C1orf159: variants seen among roughly 807,000 people sequenced by gnomAD.
The protein encoded by C1orf159 is uncharacterized protein C1orf159.
C1orf159 carries 19 observed loss-of-function variants against 25.6 expected under a neutral mutation model. The observed-to-expected ratio is 0.74, with a 90% CI of 0.52 to 1.09. The LOEUF is 1.09. Ranked by LOEUF, C1orf159 falls within the 50% of genes least tolerant of loss-of-function variation. C1orf159 has a pLI of 0.00. For synonymous variants in C1orf159, 139 were observed against 124.7 expected (o/e 1.12, Z -0.77); for missense variants, 274 against 290.6 (o/e 0.94, Z 0.42).
rs201463776 is a variant in C1orf159, at chr1:1,084,416, C to T, written c.472-33G>A. 54 of 1,581,314 alleles carry T rather than the reference C, an allele frequency of 3.4e-5. No homozygotes were observed. In the East Asian group the frequency reaches 3.7e-4, roughly 11 times the overall value. ...AGGAGAGAAAGGCAGAGTGAGGACT[C>T]GGGATGGCCTGGCACAGGCACACGC... On this transcript the variant is annotated intron_variant, in intron 8 of 9. Coordinates refer to ENST00000421241, the MANE Select transcript of C1orf159 (RefSeq NM_017891.5).
chr1:1,101,488 A>AT (rs1049668648), intron 1 of C1orf159, among the ~76,000 whole-genome samples: 2 of 134,312 alleles, frequency 1.5e-5, no homozygotes, highest in African/African-American at 6.8e-5. Context: ...ATAAAAAAAA[A>AT]TTTTTTTTTA....
At position 1,091,549 on chromosome 1, in the gene C1orf159, G is replaced by A. The variant is rs1346006250; in HGVS notation, c.-6C>T. ...GCGAGGTGCCGCAGCGCCATGCCAG[G>A]AGCAGATGCGCAGAGCCTGCCACAG... is the stretch of plus-strand genomic sequence containing the variant. On this transcript the variant is annotated 5_prime_UTR_variant, in exon 3 of 10. Coordinates refer to ENST00000421241, the MANE Select transcript of C1orf159 (RefSeq NM_017891.5). The A allele has an allele frequency of 1.9e-6, 3 of 1,549,022 alleles. No individual in the cohort carries two copies. The highest frequency in any genetic ancestry group is 2.4e-5 in the East Asian group (1 of 40,900).
intron 1 of C1orf159, among the ~76,000 whole-genome samples, chr1:1,097,173 C>A (rs1646019138): frequency 6.6e-6 from 1 of 152,200 alleles, no homozygotes; most frequent in African/African-American, 2.4e-5. Context: ...GTGGCATGAT[C>A]TCGGCTCACT....
rs533684123 is a variant in C1orf159 at position 1,103,459 on chromosome 1, G to A, written c.-135-11356C>T. On this transcript the variant is annotated intron_variant, in intron 1 of 9. Transcript: ENST00000421241. ...TGGAATTCTGTGATATTCCTCTGAAGAGAATCAATGTTTCTACTTAGCAGG... is the reference window on the plus strand; with the variant it reads ...TGGAATTCTGTGATATTCCTCTGAAAAGAATCAATGTTTCTACTTAGCAGG... Among the ~76,000 whole-genome samples, 12 of 152,324 alleles carry A rather than the reference G, an allele frequency of 7.9e-5. 1 individual carries two copies. The South Asian group carries it at 2.3e-3, about 29-fold the overall frequency.
intron 6 of C1orf159, 136 bp from the exon 7 acceptor site, chr1:1,086,148 C>T (rs1025405393): frequency 6.2e-6 from 7 of 1,131,572 alleles, no homozygotes; most frequent in African/African-American, 1.6e-5. Flanking sequence ...CTGTGGGTGC[C>T]GAGGGCTCTG....
intron 7 of C1orf159, among the ~76,000 whole-genome samples, chr1:1,084,894 G>A (rs922387536): frequency 9.9e-5 from 15 of 152,080 alleles, no homozygotes; most frequent in Admixed American, 2.6e-4. Flanking sequence ...CCTCAGGCAC[G>A]AGGTGGCTTT....
At chr1:1,113,821 G>A (rs1570345651) in intron 1 of C1orf159, among the ~76,000 whole-genome samples, 2 of 152,190 alleles carry the variant, frequency 1.3e-5, no homozygotes, top group South Asian at 2.1e-4. Flanking sequence ...TTCTTCCCTC[G>A]GGGTGGGCCG....
chr1:1,101,649 T>C (rs1315212908), intron 1 of C1orf159, among the ~76,000 whole-genome samples: 1 of 152,064 alleles, frequency 6.6e-6, no homozygotes, highest in Non-Finnish European at 1.5e-5. Flanking sequence ...ATCAATCAGC[T>C]CACAGTCTGT....
intron 1 of C1orf159, among the ~76,000 whole-genome samples, chr1:1,114,857 G>C (rs1386388384): frequency 6.6e-6 from 1 of 151,992 alleles, no homozygotes; most frequent in Non-Finnish European, 1.5e-5. Flanking sequence ...CTGGACTTTG[G>C]GGACTCGGAG....
intron 1 of C1orf159, among the ~76,000 whole-genome samples, chr1:1,102,368 T>C (rs180833934): frequency 1.3e-5 from 2 of 151,134 alleles, no homozygotes; most frequent in Admixed American, 6.6e-5. Flanking sequence ...TTTCCTCCAA[T>C]CACTTCCACC....
rs547998335 is a variant in C1orf159 at position 1,083,111 on chromosome 1, C to T, written c.503-124G>A. ...TGGCACAGGCGCCCGGGGCTGTTTA[C>T]TCTGACCAGGTGGGAACCCAGATGC... On this transcript the variant is annotated intron_variant, in intron 9 of 9. Coordinates refer to ENST00000421241, the MANE Select transcript of C1orf159 (RefSeq NM_017891.5). 1.4e-5 allele frequency: 11 copies of T among 770,828 alleles called. No homozygotes were observed. The South Asian group carries it at 1.9e-4, about 13-fold the overall frequency. The allele number at this position is 770,828 out of a possible 1,614,324, so 47.7% of individuals were successfully genotyped here.
rs542591023 is a variant in C1orf159 at position 1,115,228 on chromosome 1, G to A, written c.-136+832C>T. ...GTAAGAAATGCCCCCGAACACCTGGGCTTAAATTACACCCAAACTCAATCA... is the reference window on the plus strand; with the variant it reads ...GTAAGAAATGCCCCCGAACACCTGGACTTAAATTACACCCAAACTCAATCA... On this transcript the variant is annotated intron_variant, in intron 1 of 9. Transcript: ENST00000421241. 2.6e-5 allele frequency among the ~76,000 whole-genome samples: 4 copies of A among 152,196 alleles called. No homozygotes were observed. In the South Asian group the frequency reaches 8.3e-4, roughly 32 times the overall value.
chr1:1,101,497 T>TAA (rs1390171696), intron 1 of C1orf159, among the ~76,000 whole-genome samples: 9,282 of 151,958 alleles, frequency 0.061, 533 homozygotes, highest in African/African-American at 0.15. Flanking sequence ...AATTTTTTTT[T>TAA]AAATCTCACA....
At chr1:1,090,568 G>GCC (rs1483633138) in intron 3 of C1orf159, 140 bp from the exon 4 acceptor site, 2 of 904,350 alleles carry the variant, frequency 2.2e-6, no homozygotes, top group Non-Finnish European at 3.4e-6. Context: ...GCATCGGGTG[G>GCC]CCCTCTGTCC....
rs543403298 is a variant in C1orf159 at position 1,114,062 on chromosome 1, G to A, written c.-136+1998C>T. Among the ~76,000 whole-genome samples the A allele has an allele frequency of 1.3e-3, 202 of 152,098 alleles. 1 individual carries two copies. Among genetic ancestry groups the A allele is most frequent in the East Asian group, 9.1e-3 (47 of 5,170 alleles). On this transcript the variant is annotated intron_variant, in intron 1 of 9. Coordinates refer to ENST00000421241, the MANE Select transcript of C1orf159 (RefSeq NM_017891.5). ...CTCCTGAGTAGCTGGGACCACAGGC[G>A]CCCGCCACCATGCCCGGCTAATTTT...
intron 6 of C1orf159, among the ~76,000 whole-genome samples, chr1:1,086,888 G>A (rs1483540444): frequency 1.3e-5 from 2 of 152,188 alleles, no homozygotes; most frequent in East Asian, 3.8e-4. Context: ...CCCTGAGAGA[G>A]TGCGGTGTGG....
At chr1:1,086,698 C>G (rs1645835329) in intron 6 of C1orf159, among the ~76,000 whole-genome samples, 1 of 152,258 alleles carries the variant, frequency 6.6e-6, no homozygotes, top group African/African-American at 2.4e-5. Context: ...TGGACCCAGG[C>G]CAGCTCAGGG....
rs199905391 is a variant in C1orf159, at chr1:1,085,920, G to A, written c.403C>T (p.Arg135Cys). The A allele has an allele frequency of 1.4e-5, 23 of 1,613,324 alleles. 1 individual carries two copies. The highest frequency in any genetic ancestry group is 6.7e-5 in the East Asian group (3 of 44,856). Reference sequence around the variant, plus strand: ...CAGGCCCTGGGGAGTTTACTGGAGCGCTTGAGGTAGAAGAACCCAGCTACG... The same window carrying A: ...CAGGCCCTGGGGAGTTTACTGGAGCACTTGAGGTAGAAGAACCCAGCTACG... ...LSVAGFFYLK[R>C]SSKLPRACYR... Residue 135 changes from arginine to cysteine, a missense_variant, in exon 7 of 10, where the codon CGC (arginine) becomes TGC (cysteine). By Grantham distance (180) the Arg-to-Cys change is radical (BLOSUM62 -3). Coordinates refer to ENST00000421241, the MANE Select transcript of C1orf159 (RefSeq NM_017891.5).
At chr1:1,109,627 G>A (rs1255159527) in intron 1 of C1orf159, among the ~76,000 whole-genome samples, 1 of 151,856 alleles carries the variant, frequency 6.6e-6, no homozygotes, top group East Asian at 1.9e-4. Context: ...ACCATATCTG[G>A]CTAATTTTAT....
Sources: gnomAD v4.1 joint callset for allele counts (sites outside exome capture counted in the v4.1 genomes callset) on GRCh38, gnomAD v4.1.1 for gene constraint, MANE v1.5 for transcripts, NCBI Gene and HGNC (gene_info 2026-07-23, HGNC 2026-07-21) for gene names.